Variants in MEI4 observed in about 807,000 individuals in gnomAD.
The protein encoded by MEI4 is meiosis-specific protein MEI4.
In MEI4, 27 loss-of-function variants were observed where a neutral mutation model predicts 31.4. The observed-to-expected ratio is 0.86, with a 90% CI of 0.63 to 1.19. The LOEUF (loss-of-function observed/expected upper bound fraction) is 1.19. MEI4 is among the 50% of genes most tolerant of loss of function. The probability of loss-of-function intolerance (pLI) is 0.00; values close to 1 mark genes in which losing one functional copy is unlikely to be tolerated. For missense variants in MEI4, 329 were observed against 398.9 expected (o/e 0.82, Z 1.49); for synonymous variants, 122 against 145.4 (o/e 0.84, Z 1.16).
chr6:77,689,816 T>A (rs928537990), intron 1 of MEI4, among the ~76,000 whole-genome samples: 1 of 152,078 alleles, frequency 6.6e-6, no homozygotes, highest in Admixed American at 6.6e-5. Flanking sequence ...TGGGTCATCT[T>A]ACTTTTCACT....
At chr6:77,827,585 G>C (rs1399938281) in intron 3 of MEI4, among the ~76,000 whole-genome samples, 1 of 151,914 alleles carries the variant, frequency 6.6e-6, no homozygotes, top group Non-Finnish European at 1.5e-5. Flanking sequence ...AGAGTAATCT[G>C]GGAAGAATTA....
intron 3 of MEI4, among the ~76,000 whole-genome samples, chr6:77,764,309 T>C (rs1768114960): frequency 6.6e-6 from 1 of 152,216 alleles, no homozygotes; most frequent in Non-Finnish European, 1.5e-5. Context: ...AAACCATCCA[T>C]TGTAATACCT....
rs1286371383 is a variant in MEI4, at chr6:77,923,959, T to TTA, written c.*613_*614insTA. ...TCTTTTGAAAATACTATTAATTAGT[T>TTA]GTTTAAAATGTTCTTTGTTTTTCAA... On this transcript the variant is annotated 3_prime_UTR_variant, in exon 5 of 5. Transcript: ENST00000684080. 2.6e-5 allele frequency: 4 copies of TTA among 151,826 alleles called. No homozygotes were observed. Among genetic ancestry groups the TTA allele is most frequent in the Admixed American group, 1.3e-4 (2 of 15,188 alleles). 9.4% of individuals were successfully genotyped at this position (151,826 alleles called of 1,614,324 possible).
At chr6:77,829,653 G>C (rs968315469) in intron 4 of MEI4, among the ~76,000 whole-genome samples, 1 of 152,016 alleles carries the variant, frequency 6.6e-6, no homozygotes, top group Admixed American at 6.6e-5. Context: ...TGGTGACAAA[G>C]GTGTAGAAGG....
intron 4 of MEI4, among the ~76,000 whole-genome samples, chr6:77,897,205 C>G (rs907778633): frequency 1.5e-4 from 23 of 151,914 alleles, no homozygotes. Flanking sequence ...AGAAGGAATT[C>G]CCCAAAAGAG....
In MEI4 at chr6:77,911,345, G is replaced by C. The variant is rs144184546; in HGVS notation, c.901-11744G>C. Among the ~76,000 whole-genome samples, 426 of 152,036 alleles carry C rather than the reference G, an allele frequency of 2.8e-3. 1 individual carries two copies. The highest frequency in any genetic ancestry group is 4.5e-3 in the Non-Finnish European group (308 of 67,964). On this transcript the variant is annotated intron_variant, in intron 4 of 4. Coordinates refer to ENST00000684080, the MANE Select transcript of MEI4 (RefSeq NM_001322247.2). ...TTAGCTTCACAGGGTACATATGCAA[G>C]TTTATTACATGGATAATTTCTGTGT...
intron 4 of MEI4, among the ~76,000 whole-genome samples, chr6:77,879,125 A>G (rs1771416264): frequency 6.6e-6 from 1 of 152,192 alleles, no homozygotes; most frequent in Admixed American, 6.5e-5. Context: ...CAAATTAACT[A>G]AAATGTATAT....
At chr6:77,860,640 C>G (rs1298454665) in intron 4 of MEI4, among the ~76,000 whole-genome samples, 1 of 151,948 alleles carries the variant, frequency 6.6e-6, no homozygotes, top group Non-Finnish European at 1.5e-5. Context: ...TTATGTCTCC[C>G]TAGCCATATT....
chr6:77,812,979 G>T (rs1457476823), intron 3 of MEI4, among the ~76,000 whole-genome samples: 1 of 152,042 alleles, frequency 6.6e-6, no homozygotes, highest in Non-Finnish European at 1.5e-5. Context: ...ACATGGTTGG[G>T]ATTGGAAAGA....
At chr6:77,752,203 C>G (rs1767792684) in intron 2 of MEI4, among the ~76,000 whole-genome samples, 1 of 152,106 alleles carries the variant, frequency 6.6e-6, no homozygotes, top group South Asian at 2.1e-4. Flanking sequence ...CTTTGAAAAT[C>G]CACACAAGAC....
At position 77,699,625 on chromosome 6, in the gene MEI4, G is replaced by T. The variant is rs187537172; in HGVS notation, c.232+8722G>T. 2.6e-5 allele frequency among the ~76,000 whole-genome samples: 4 copies of T among 152,334 alleles called. No individual in the cohort carries two copies. The East Asian group carries it at 7.7e-4, about 29-fold the overall frequency. On this transcript the variant is annotated intron_variant, in intron 2 of 4. Transcript: ENST00000684080. ...AGCTTTGTTCCATTGCTGGTGAGGA[G>T]CTGTGTTCCTTTGGAGGAGGAGAGG...
In MEI4 at chr6:77,874,012, G is replaced by T. The variant is rs185755557; in HGVS notation, c.900+44950G>T. Reference sequence around the variant, plus strand: ...ATGCTATTTTGGTTACTGTAGCCTTGTAGTATAGTTTGAAGTCAGGTAGCC... The same window carrying T: ...ATGCTATTTTGGTTACTGTAGCCTTTTAGTATAGTTTGAAGTCAGGTAGCC... On this transcript the variant is annotated intron_variant, in intron 4 of 4. Transcript: ENST00000684080. 8.7e-3 allele frequency among the ~76,000 whole-genome samples: 1,324 copies of T among 152,288 alleles called. 11 individuals carry two copies. The highest frequency in any genetic ancestry group is 0.02 in the Middle Eastern group (6 of 294).
intron 4 of MEI4, among the ~76,000 whole-genome samples, chr6:77,913,275 T>G (rs2127739555): frequency 6.6e-6 from 1 of 152,274 alleles, no homozygotes; most frequent in Non-Finnish European, 1.5e-5. Context: ...TTGCTGAATT[T>G]GGTAGTAGGG....
intron 1 of MEI4, among the ~76,000 whole-genome samples, chr6:77,684,750 A>T (rs1769021290): frequency 6.6e-6 from 1 of 152,122 alleles, no homozygotes; most frequent in African/African-American, 2.4e-5. Context: ...TTTAACATTA[A>T]TCTGTTGATA....
rs1766687202 is a variant in MEI4 at position 77,720,509 on chromosome 6, A to AT, written c.232+29607dup. Among the ~76,000 whole-genome samples the AT allele has an allele frequency of 1.5e-5, 2 of 134,152 alleles. 1 individual carries two copies. The highest frequency in any genetic ancestry group is 3.2e-5 in the Non-Finnish European group (2 of 62,308). The allele number at this position is 134,152 out of a possible 152,430, so 88.0% of individuals were successfully genotyped here. ...GGCAAGTTGCCCATATGAAATGTGA[A>AT]TAAGTATCAACTGTTACATGAACAT... On this transcript the variant is annotated intron_variant, in intron 2 of 4. Coordinates refer to ENST00000684080, the MANE Select transcript of MEI4 (RefSeq NM_001322247.2).
chr6:77,664,648 ACT>A (rs1428142123), intron 1 of MEI4, among the ~76,000 whole-genome samples: 1 of 151,840 alleles, frequency 6.6e-6, no homozygotes, highest in Non-Finnish European at 1.5e-5. Context: ...GATTAGAAAG[ACT>A]CAGCGACGCT....
At chr6:77,662,528 C>T (rs891259325) in intron 1 of MEI4, among the ~76,000 whole-genome samples, 4 of 151,872 alleles carry the variant, frequency 2.6e-5, no homozygotes, top group Non-Finnish European at 5.9e-5. Context: ...TGTATGTGTC[C>T]GGTGTGAGGA....
At chr6:77,697,910 TG>T (rs1766096852) in intron 2 of MEI4, among the ~76,000 whole-genome samples, 1 of 152,180 alleles carries the variant, frequency 6.6e-6, no homozygotes, top group South Asian at 2.1e-4. Flanking sequence ...TAAGTCTCTT[TG>T]TAGGTCACTC....
intron 2 of MEI4, among the ~76,000 whole-genome samples, chr6:77,704,441 T>C (rs750894379): frequency 2.6e-5 from 4 of 152,234 alleles, no homozygotes; most frequent in Non-Finnish European, 4.4e-5. Context: ...AGGTTAAATA[T>C]ATAGTAAATG....
Sources: gnomAD v4.1 joint callset for allele counts (sites outside exome capture counted in the v4.1 genomes callset) on GRCh38, gnomAD v4.1.1 for gene constraint, MANE v1.5 for transcripts, NCBI Gene and HGNC (gene_info 2026-07-23, HGNC 2026-07-21) for gene names.